SPTBN2: variants seen among roughly 807,000 people sequenced by gnomAD.
SPTBN2 encodes the protein spectrin beta chain, non-erythrocytic 2.
In SPTBN2, 107 loss-of-function variants were observed where a neutral mutation model predicts 284.2. That is an observed-to-expected ratio of 0.38 (90% confidence interval 0.32 to 0.44). The LOEUF is 0.44. Ranked by LOEUF, SPTBN2 falls within the 20% of genes least tolerant of loss-of-function variation. The pLI is 1.00. For synonymous variants in SPTBN2, 1,289 were observed against 1,354.8 expected, an observed-to-expected ratio of 0.95 and a Z score of 1.07; for missense variants, 2,569 against 3,287.1, an observed-to-expected ratio of 0.78 and a Z score of 5.34.
At chr11:66,686,682 G>T in intron 36 of SPTBN2, 1 of 631,472 alleles carries the variant, frequency 1.6e-6, no homozygotes, top group Non-Finnish European at 2.8e-6. Flanking sequence ...TCCTGCTCCG[G>T]CTGCTTGCTG....
Position 66,707,811 on chromosome 11 carries a change from A to G in SPTBN2, c.1358T>C (p.Phe453Ser), listed in dbSNP as rs868828403. 6.2e-7 allele frequency: 1 copy of G among 1,608,944 alleles called. No individual in the cohort carries two copies. The highest frequency in any genetic ancestry group is 1.3e-5 in the African/African-American group (1 of 74,996). ...ENQRLVSQDN[F>S]GLELAAVEAA... ...CTCGACAGCTGCCAGCTCCAGCCCA[A>G]AGTTGTCCTGTGTCGGGGGCAGGGA... Residue 453 changes from phenylalanine (F) to serine (S), a missense_variant, in exon 13 of 38, where the codon TTT becomes TCT. Phe to Ser is a radical substitution (Grantham distance 155). Coordinates refer to ENST00000533211, the MANE Select transcript of SPTBN2 (RefSeq NM_006946.4). The surrounding 1 kb of genome is among the most constrained non-coding windows in gnomAD (Gnocchi z 4.9).
At position 66,687,477 on chromosome 11, in the gene SPTBN2, C is replaced by A; in HGVS notation, c.6672G>T (p.Met2224Ile). Reference protein sequence around the residue: ...EPSAQEQMEGMLCRKQEMEAF... With the variant: ...EPSAQEQMEGILCRKQEMEAF... ...CCTCCATCTCCTGCTTGCGGCACAG[C>A]ATCCCCTCCATCTGCTCCTGGGCAG... The change falls in exon 35 of 38, where the codon ATG becomes ATT. Residue 2224 changes from methionine to isoleucine, a missense_variant. Physicochemically the swap from Met to Ile is conservative, Grantham distance 10 (BLOSUM62 1). Around this residue, in one of 6 missense-constraint regions of SPTBN2, gnomAD observed 1,130 missense variants for 1,317.3 expected, o/e 0.86. Coordinates refer to ENST00000533211, the MANE Select transcript of SPTBN2 (RefSeq NM_006946.4). The surrounding 1 kb of genome is among the most constrained non-coding windows in gnomAD (Gnocchi z 5.2). The A allele has an allele frequency of 6.2e-7, 1 of 1,610,522 alleles. No homozygotes were observed. The highest frequency in any genetic ancestry group is 8.5e-7 in the Non-Finnish European group (1 of 1,179,984).
chr11:66,728,513 G>T (rs1378595235), intron 1 of SPTBN2: 8 of 150,192 alleles, frequency 5.3e-5, no homozygotes, highest in African/African-American at 1.9e-4. Flanking sequence ...CCCCTTCCCC[G>T]CCCAGCGCCA....
rs1194229810 is a variant in SPTBN2, at chr11:66,683,281, T to C, written c.*2590A>G. On this transcript the variant is annotated 3_prime_UTR_variant, in exon 38 of 38. Coordinates refer to ENST00000533211, the MANE Select transcript of SPTBN2 (RefSeq NM_006946.4). Reference sequence around the variant, plus strand: ...CGGGGTTTCACCGTTTTAGCCGGGATGGTCTCGATCTCCTGACCTCGTGAT... The same window carrying C: ...CGGGGTTTCACCGTTTTAGCCGGGACGGTCTCGATCTCCTGACCTCGTGAT... Among the ~76,000 whole-genome samples the C allele has an allele frequency of 6.6e-6, 1 of 151,694 alleles. No homozygotes were observed. Among genetic ancestry groups the C allele is most frequent in the African/African-American group, 2.4e-5 (1 of 41,260 alleles).
At chr11:66,731,317 T>A (rs776901313), upstream of SPTBN2, among the ~76,000 whole-genome samples, 3 of 152,216 alleles carry the variant, frequency 2.0e-5, no homozygotes, top group Admixed American at 6.5e-5. Flanking sequence ...AGTGAACCAG[T>A]ACAGTCAATG....
At chr11:66,725,764 C>G (rs1013365542) in intron 1 of SPTBN2, among the ~76,000 whole-genome samples, 2 of 152,202 alleles carry the variant, frequency 1.3e-5, no homozygotes, top group Non-Finnish European at 2.9e-5. Context: ...GGAATGTACT[C>G]CAGGCGCTGC....
rs1941779739 is a variant in SPTBN2, at chr11:66,710,208, A to G, written c.1073+374T>C. Among the ~76,000 whole-genome samples the G allele has an allele frequency of 6.7e-6, 1 of 148,910 alleles. No individual in the cohort carries two copies. On this transcript the variant is annotated intron_variant, in intron 10 of 37. Coordinates refer to ENST00000533211, the MANE Select transcript of SPTBN2 (RefSeq NM_006946.4). This position sits in a 1 kb window ranked among gnomAD's most constrained non-coding sequence, Gnocchi z 4.9. Reference sequence around the variant, plus strand: ...CAGGCGTGTGCCACCATGCCCAGCTAATTTTTTTGTAATTTTAGTGGAGAC... The same window carrying G: ...CAGGCGTGTGCCACCATGCCCAGCTGATTTTTTTGTAATTTTAGTGGAGAC...
Position 66,708,946 on chromosome 11 carries a change from C to A in SPTBN2, c.1147G>T (p.Val383Phe). The change falls in exon 11 of 38, where the codon GTC (valine) becomes TTC (phenylalanine). Residue 383 changes from valine (V) to phenylalanine (F), a missense_variant. Val to Phe is a conservative substitution (Grantham distance 50). Coordinates refer to ENST00000533211, the MANE Select transcript of SPTBN2 (RefSeq NM_006946.4). This position sits in a 1 kb window ranked among gnomAD's most constrained non-coding sequence, Gnocchi z 4.4. ...QSKLRANNQK[V>F]YTPREGRLIS... is the part of the protein sequence containing the mutation. ...AGCCGGCCCTCGCGGGGCGTGTAGA[C>A]CTTCTGGTTGTTGGCCCGAAGCTTG... 1.2e-6 allele frequency: 2 copies of A among 1,613,510 alleles called. No individual in the cohort carries two copies. The highest frequency in any genetic ancestry group is 1.7e-6 in the Non-Finnish European group (2 of 1,179,786).
Position 66,715,664 on chromosome 11 carries a change from A to G in SPTBN2, c.309+166T>C, listed in dbSNP as rs1302480655. ...CCTGTCTCCATGAAGCAATGCTCCT[A>G]TGTAATCTAAGTGGCAAAGGCACTT... is the stretch of plus-strand genomic sequence containing the variant. On this transcript the variant is annotated intron_variant, in intron 4 of 37. Transcript: ENST00000533211. This position sits in a 1 kb window ranked among gnomAD's most constrained non-coding sequence, Gnocchi z 5.3. 6.6e-6 allele frequency among the ~76,000 whole-genome samples: 1 copy of G among 152,196 alleles called. No individual in the cohort carries two copies. The highest frequency in any genetic ancestry group is 1.5e-5 in the Non-Finnish European group (1 of 68,028).
chr11:66,692,952 G>A lies in SPTBN2; in HGVS notation c.4985+18C>T. 1 of 1,601,130 alleles carries A rather than the reference G, an allele frequency of 6.2e-7. No individual in the cohort carries two copies. On this transcript the variant is annotated intron_variant, in intron 25 of 37. Coordinates refer to ENST00000533211, the MANE Select transcript of SPTBN2 (RefSeq NM_006946.4). ...CCGGCTCCACCCCCAGGCTGGGCCG[G>A]GCTGCCGCTGCACCCACCTCTCTGG... is the stretch of plus-strand genomic sequence containing the variant.
At chr11:66,719,529 A>G (rs1942298043) in intron 3 of SPTBN2, among the ~76,000 whole-genome samples, 1 of 152,238 alleles carries the variant, frequency 6.6e-6, no homozygotes, top group Admixed American at 6.5e-5. Flanking sequence ...TGGTGGAGAT[A>G]AACACCCAAT....
intron 1 of SPTBN2, among the ~76,000 whole-genome samples, chr11:66,738,024 G>A (rs1315333376): frequency 3.3e-5 from 5 of 152,134 alleles, no homozygotes; most frequent in Non-Finnish European, 7.4e-5. Flanking sequence ...AGACCAGCCC[G>A]GCCAACATGG....
chr11:66,716,410 G>A (rs1449666466), intron 3 of SPTBN2, among the ~76,000 whole-genome samples: 2 of 152,042 alleles, frequency 1.3e-5, no homozygotes, highest in African/African-American at 2.4e-5. Context: ...AACCTGGGAG[G>A]GGGAGCTTGC....
chr11:66,735,981 G>A (rs943484828), intron 1 of SPTBN2, among the ~76,000 whole-genome samples: 1 of 152,180 alleles, frequency 6.6e-6, no homozygotes, highest in African/African-American at 2.4e-5. Flanking sequence ...GATAGCTTCC[G>A]AGGACTGACC....
rs375506622 is a variant in SPTBN2 at position 66,710,791 on chromosome 11, C to A, written c.886-22G>T. ...GCACCTGGGAGGCAGAAGACAGGGA[C>A]GTGACAGTCCCAGCCACAGGGTCCC... On this transcript the variant is annotated intron_variant, in intron 9 of 37. Transcript: ENST00000533211. The surrounding 1 kb of genome is among the most constrained non-coding windows in gnomAD (Gnocchi z 4.9). The A allele has an allele frequency of 1.2e-6, 2 of 1,613,458 alleles. No individual in the cohort carries two copies. The highest frequency in any genetic ancestry group is 1.7e-5 in the Admixed American group (1 of 60,032).
intron 1 of SPTBN2, among the ~76,000 whole-genome samples, chr11:66,722,732 A>G (rs550362080): frequency 1.2e-4 from 18 of 151,920 alleles, no homozygotes; most frequent in African/African-American, 4.1e-4. Flanking sequence ...CATCTCTACT[A>G]AAAATACAAA....
chr11:66,684,060 G>C lies in SPTBN2; in HGVS notation c.*1811C>G, dbSNP rs1939952322. Among the ~76,000 whole-genome samples, 1 of 152,246 alleles carries C rather than the reference G, an allele frequency of 6.6e-6. No homozygotes were observed. The highest frequency in any genetic ancestry group is 1.5e-5 in the Non-Finnish European group (1 of 68,048). ...CCGGTTTGGAGCCCACTCTGGGGCT[G>C]TGATGTGCTAGTTCTGGGCCTGCAC... On this transcript the variant is annotated 3_prime_UTR_variant, in exon 38 of 38. Coordinates refer to ENST00000533211, the MANE Select transcript of SPTBN2 (RefSeq NM_006946.4).
At chr11:66,695,302 C>A (rs1229727627) in intron 21 of SPTBN2, among the ~76,000 whole-genome samples, 2 of 152,228 alleles carry the variant, frequency 1.3e-5, no homozygotes, top group African/African-American at 4.8e-5. Context: ...GCCACCCAGG[C>A]TGCAGTGCAG....
intron 1 of SPTBN2, among the ~76,000 whole-genome samples, chr11:66,744,130 G>A (rs1237615907): frequency 6.6e-6 from 1 of 152,172 alleles, no homozygotes; most frequent in African/African-American, 2.4e-5. Flanking sequence ...AAAAGTGCTG[G>A]GATGACGGGC....
Sources: gnomAD v4.1 joint callset for allele counts (sites outside exome capture counted in the v4.1 genomes callset) on GRCh38, gnomAD v4.1.1 for gene constraint, gnomAD v4.1.1 regional missense constraint, Gnocchi (gnomAD v3.1) non-coding constraint, MANE v1.5 for transcripts, NCBI Gene and HGNC (gene_info 2026-07-23, HGNC 2026-07-21) for gene names.